The following ZNF611 variants were observed in gnomAD, a reference collection of about 807,000 sequenced individuals.
ZNF611 encodes the protein zinc finger protein 611.
In ZNF611, 6 loss-of-function variants were observed where a neutral mutation model predicts 8.9. The observed-to-expected ratio is 0.68, with a 90% CI of 0.37 to 1.34. ZNF611 has a LOEUF of 1.34. Ranked by LOEUF, ZNF611 falls within the 40% of genes most tolerant of loss-of-function variation. ZNF611 has a pLI of 0.02. For synonymous variants in ZNF611, 262 were observed against 279.7 expected (o/e 0.94, Z 0.63); for missense variants, 874 against 841.3 (o/e 1.04, Z -0.48).
chr19:52,721,674 G>GGGAGAGGGAGAGAGGGA (rs1555796327), intron 3 of ZNF611, among the ~76,000 whole-genome samples: 4 of 145,526 alleles, frequency 2.7e-5, no homozygotes, highest in African/African-American at 1.1e-4. Context: ...GAAAGTGAGA[G>GGGAGAGGGAGAGAGGGA]GGGAAAGGGA....
intron 5 of ZNF611, chr19:52,707,252 T>TA (rs59927537): frequency 0.12 from 11,816 of 99,872 alleles, 592 homozygotes; most frequent in African/African-American, 0.2. Context: ...AAATAAATGC[T>TA]AAAAAAAAAA....
chr19:52,711,436 A>G (rs1358020482), intron 5 of ZNF611: 1 of 152,186 alleles, frequency 6.6e-6, no homozygotes. Flanking sequence ...GTTCATGTAC[A>G]TGACCCCAGT....
rs564744910 is a variant in ZNF611 at position 52,705,681 on chromosome 19, A to G, written c.1374T>C (p.Val458=). 2.0e-5 allele frequency: 32 copies of G among 1,613,574 alleles called. No individual in the cohort carries two copies. In the East Asian group the frequency reaches 3.6e-4, roughly 18 times the overall value. ...AACTCCACACAAAAGCCTTGTCACA[A>G]ACCTTACATTTGTAAGATTTCTCTC... ...HGGEKSYKCK[V]CDKAFVWSSQ... Residue 458 remains valine (V), a synonymous_variant, in exon 6 of 6, where the codon GTT becomes GTC. Transcript: ENST00000652185.
intron 3 of ZNF611, chr19:52,717,714 G>A: frequency 1.0e-6 from 1 of 983,814 alleles, no homozygotes; most frequent in Non-Finnish European, 1.2e-6. Flanking sequence ...TTATGGACCA[G>A]AGGGAATTGA....
intron 5 of ZNF611, 35 bp downstream of exon 5, chr19:52,713,980 C>G (rs1234336747): frequency 6.2e-7 from 1 of 1,612,396 alleles, no homozygotes; most frequent in Non-Finnish European, 8.5e-7. Context: ...TAGACAAGAG[C>G]AGACTCCTCA....
At chr19:52,715,390 G>A (rs1173307482) in intron 4 of ZNF611, among the ~76,000 whole-genome samples, 1 of 152,182 alleles carries the variant, frequency 6.6e-6, no homozygotes, top group African/African-American at 2.4e-5. Context: ...AGGAGGCAGA[G>A]GTTGCAGTGA....
rs2062225704 is a variant in ZNF611, at chr19:52,704,481, T to G, written c.*456A>C. Reference sequence around the variant, plus strand: ...AAATTCTCCTATGTTTTGCATAGGATGAAGCTTGACTGAAGACCTTGGCAC... The same window carrying G: ...AAATTCTCCTATGTTTTGCATAGGAGGAAGCTTGACTGAAGACCTTGGCAC... On this transcript the variant is annotated 3_prime_UTR_variant, in exon 6 of 6. Transcript: ENST00000652185. 1.2e-6 allele frequency: 1 copy of G among 851,254 alleles called. No individual in the cohort carries two copies. Among genetic ancestry groups the G allele is most frequent in the Non-Finnish European group, 2.0e-6 (1 of 505,836 alleles). The allele number at this position is 851,254 out of a possible 1,614,324, so 52.7% of individuals were successfully genotyped here.
In ZNF611 at chr19:52,728,179, T is replaced by G. The variant is rs150717788; in HGVS notation, c.-20+551A>C. Among the ~76,000 whole-genome samples the G allele has an allele frequency of 1.8e-3, 274 of 152,152 alleles. 1 individual carries two copies. Among genetic ancestry groups the G allele is most frequent in the Non-Finnish European group, 3.2e-3 (217 of 67,974 alleles). ...GCTTGGCCTCCCAAAGTGGTGGGAT[T>G]ACAGGCGTGAGCCACTGCACCTGGC... On this transcript the variant is annotated intron_variant, in intron 3 of 5. Coordinates refer to ENST00000652185, the MANE Select transcript of ZNF611 (RefSeq NM_001161499.2).
intron 5 of ZNF611, chr19:52,708,660 A>T (rs1022854922): frequency 2.0e-5 from 3 of 151,960 alleles, no homozygotes; most frequent in Non-Finnish European, 4.4e-5. Flanking sequence ...ACATGGGGAA[A>T]CCCCATCCTA....
chr19:52,715,888 G>A lies in ZNF611; in HGVS notation c.7C>T (p.Arg3Cys), dbSNP rs759669986. Residue 3 changes from arginine (R) to cysteine (C), a missense_variant, in exon 4 of 6, where the codon CGT becomes TGT. Transcript: ENST00000652185. ML[R>C]EEAAQKRKGK... ...TTCCTCTTCTGAGCTGCTTCCTCAC[G>A]TAACATGAGTCTTTAGGAATCAATC... The A allele has an allele frequency of 4.8e-5, 78 of 1,613,380 alleles. No individual in the cohort carries two copies. Among genetic ancestry groups the A allele is most frequent in the African/African-American group, 1.1e-4 (8 of 74,992 alleles).
At chr19:52,724,825 T>C (rs910275607) in intron 3 of ZNF611, among the ~76,000 whole-genome samples, 3 of 152,106 alleles carry the variant, frequency 2.0e-5, no homozygotes, top group Non-Finnish European at 2.9e-5. Flanking sequence ...CTGGTGAGCC[T>C]CCCTCTTTGC....
At chr19:52,714,499 C>T (rs1037031974) in intron 4 of ZNF611, among the ~76,000 whole-genome samples, 11 of 151,228 alleles carry the variant, frequency 7.3e-5, no homozygotes, top group South Asian at 2.1e-4. Flanking sequence ...ACCAGCCTGG[C>T]CAATGTGGTG....
intron 1 of ZNF611, among the ~76,000 whole-genome samples, chr19:52,733,424 C>T (rs1235154072): frequency 1.3e-5 from 2 of 152,150 alleles, no homozygotes; most frequent in Non-Finnish European, 2.9e-5. Flanking sequence ...GCTTGGCCAC[C>T]AGAGCAGCTG....
In ZNF611 at chr19:52,702,821, C is replaced by A. The variant is rs1247593517; in HGVS notation, c.*2116G>T. 1 of 152,092 alleles carries A rather than the reference C, an allele frequency of 6.6e-6. No individual in the cohort carries two copies. Among genetic ancestry groups the A allele is most frequent in the Non-Finnish European group, 1.5e-5 (1 of 68,028 alleles). 9.4% of individuals were successfully genotyped at this position (152,092 alleles called of 1,614,324 possible). A position where few individuals can be genotyped will look rare whatever the true frequency, so the allele number is the denominator to read the frequency against. ...AAAAACAGACTAACTGGTTAAAGTACATTTTGATGTTTAGTTAAAAGGCCA... is the reference window on the plus strand; with the variant it reads ...AAAAACAGACTAACTGGTTAAAGTAAATTTTGATGTTTAGTTAAAAGGCCA... On this transcript the variant is annotated 3_prime_UTR_variant, in exon 6 of 6. Transcript: ENST00000652185.
At chr19:52,725,424 G>A (rs765184923) in intron 3 of ZNF611, among the ~76,000 whole-genome samples, 4 of 152,196 alleles carry the variant, frequency 2.6e-5, no homozygotes, top group African/African-American at 9.6e-5. Context: ...TCCAGCGCAC[G>A]GGTGAGGACT....
At chr19:52,718,655 G>C (rs945957099) in intron 3 of ZNF611, among the ~76,000 whole-genome samples, 2 of 150,978 alleles carry the variant, frequency 1.3e-5, no homozygotes, top group Middle Eastern at 3.5e-3. Flanking sequence ...AAAATTAGCC[G>C]GCCATGGTGG....
At chr19:52,709,567 G>GC (rs1167313019) in intron 5 of ZNF611, among the ~76,000 whole-genome samples, 1 of 151,614 alleles carries the variant, frequency 6.6e-6, no homozygotes, top group Admixed American at 6.6e-5. Flanking sequence ...ACCATGCCCG[G>GC]ACTCTTTATT....
rs1157466361 is a variant in ZNF611 at position 52,716,163 on chromosome 19, G to C, written c.-19-250C>G. ...GAGGCAGCAGTGGGGAGCTGGGCTGGACTGATCTCCCCTTCAGGGCACAGA... is the reference window on the plus strand; with the variant it reads ...GAGGCAGCAGTGGGGAGCTGGGCTGCACTGATCTCCCCTTCAGGGCACAGA... On this transcript the variant is annotated intron_variant, in intron 3 of 5. Coordinates refer to ENST00000652185, the MANE Select transcript of ZNF611 (RefSeq NM_001161499.2). 4 of 440,262 alleles carry C rather than the reference G, an allele frequency of 9.1e-6. No individual in the cohort carries two copies. The East Asian group carries it at 1.2e-4, about 13-fold the overall frequency. 27.3% of individuals were successfully genotyped at this position (440,262 alleles called of 1,614,324 possible). A position where few individuals can be genotyped will look rare whatever the true frequency, so the allele number is the denominator to read the frequency against.
intron 3 of ZNF611, among the ~76,000 whole-genome samples, chr19:52,726,423 T>G (rs1391182696): frequency 3.9e-5 from 6 of 152,130 alleles, no homozygotes; most frequent in African/African-American, 1.4e-4. Flanking sequence ...TTCCTTTTTA[T>G]TTATTTTTAT....
Sources: allele counts gnomAD v4.1 joint callset (sites outside exome capture counted in the v4.1 genomes callset), GRCh38; gene constraint gnomAD v4.1.1; transcripts MANE v1.5; gene names NCBI Gene and HGNC (gene_info 2026-07-23, HGNC 2026-07-21).